RBM33: variants seen among roughly 807,000 people sequenced by gnomAD.
RBM33 encodes RNA binding motif protein 33, also known as RNA-binding protein 33.
Under a neutral mutation model 132.6 loss-of-function variants are expected in RBM33, and 28 were observed. The ratio of observed to expected loss-of-function variants is 0.21; its 90% CI spans 0.16 to 0.29. The LOEUF (loss-of-function observed/expected upper bound fraction) is 0.29, where lower values mean the gene tolerates loss of function less well. RBM33 is among the 10% of genes least tolerant of loss of function. The pLI is 1.00. For synonymous variants in RBM33, 634 were observed against 593.0 expected, an observed-to-expected ratio of 1.07 and a Z score of -1.01; for missense variants, 1,291 against 1,518.5, an observed-to-expected ratio of 0.85 and a Z score of 2.49.
Position 155,738,020 on chromosome 7 carries a change from C to T in RBM33, c.1394-40C>T, listed in dbSNP as rs562226108. The T allele has an allele frequency of 8.1e-5, 125 of 1,546,950 alleles. No homozygotes were observed. In the South Asian group the frequency reaches 1.5e-3, roughly 18 times the overall value. The stretch of plus-strand genomic sequence containing the variant: ...ACTGCTTTTCTGAGAAGCACATGGT[C>T]TTTTTAACCTGAAGTTAATGATGTT... On this transcript the variant is annotated intron_variant, in intron 10 of 17. Transcript: ENST00000401878.
intron 5 of RBM33, chr7:155,685,172 G>T (rs1799442496): frequency 8.5e-6 from 9 of 1,056,462 alleles, no homozygotes. Context: ...TGAGTGTATA[G>T]TGAAAAACTT....
At position 155,725,610 on chromosome 7, in the gene RBM33, G is replaced by A. The variant is rs115590062; in HGVS notation, c.1260+7167G>A. On this transcript the variant is annotated intron_variant, in intron 9 of 17. Coordinates refer to ENST00000401878, the MANE Select transcript of RBM33 (RefSeq NM_053043.3). ...GCTATAGCAGGGCCAGTCATTAGGA[G>A]GAGTTGTTTCAGGAGGGGCCATGGC... 4.3e-3 allele frequency among the ~76,000 whole-genome samples: 651 copies of A among 152,250 alleles called. 6 individuals carry two copies. The highest frequency in any genetic ancestry group is 0.015 in the African/African-American group (618 of 41,562).
intron 1 of RBM33, among the ~76,000 whole-genome samples, chr7:155,656,632 T>C (rs1329277085): frequency 6.6e-6 from 1 of 152,218 alleles, no homozygotes; most frequent in Non-Finnish European, 1.5e-5. Context: ...AGAGATTGAA[T>C]GCAGAAGCAG....
rs567093206 is a variant in RBM33, at chr7:155,738,358, C to A, written c.1692C>A (p.Gly564=). ...CTCCTAGACAGCCGTTCCTGCCAGG[C>A]CCAGGACAGCCGTTTCTGCCCACAC... The part of the protein sequence containing the change: ...FIPPRQPFLP[G]PGQPFLPTHT... Residue 564 remains glycine, a synonymous_variant, in exon 11 of 18, where the codon GGC becomes GGA. Transcript: ENST00000401878. 6.9e-5 allele frequency: 112 copies of A among 1,613,922 alleles called. 1 individual carries two copies. In the South Asian group the frequency reaches 1.2e-3, roughly 17 times the overall value.
intron 9 of RBM33, among the ~76,000 whole-genome samples, chr7:155,732,211 T>A (rs532834819): frequency 2.6e-5 from 4 of 152,260 alleles, no homozygotes; most frequent in Non-Finnish European, 5.9e-5. Context: ...TCATTCTGAA[T>A]AACTGATACA....
At chr7:155,659,703 A>G (rs1044582083) in intron 1 of RBM33, among the ~76,000 whole-genome samples, 2 of 152,230 alleles carry the variant, frequency 1.3e-5, no homozygotes, top group African/African-American at 2.4e-5. Flanking sequence ...AAATTCATAT[A>G]CAAATATATA....
chr7:155,710,388 T>C (rs1275796662), intron 7 of RBM33, among the ~76,000 whole-genome samples: 1 of 152,222 alleles, frequency 6.6e-6, no homozygotes, highest in Non-Finnish European at 1.5e-5. Context: ...CAGCTGACTT[T>C]CTCTACTGAC....
chr7:155,722,748 T>C (rs1237381380), intron 9 of RBM33, among the ~76,000 whole-genome samples: 1 of 152,224 alleles, frequency 6.6e-6, no homozygotes, highest in African/African-American at 2.4e-5. Context: ...GTTTTTAAGC[T>C]TGTGAAAAAG....
intron 1 of RBM33, among the ~76,000 whole-genome samples, chr7:155,657,926 A>G (rs982815045): frequency 6.6e-6 from 1 of 152,230 alleles, no homozygotes; most frequent in African/African-American, 2.4e-5. Flanking sequence ...ACATTTAAAA[A>G]TAATGTATAT....
intron 9 of RBM33, among the ~76,000 whole-genome samples, chr7:155,735,557 A>T (rs75294430): frequency 0.036 from 5,485 of 151,748 alleles, 328 homozygotes; most frequent in African/African-American, 0.12. Context: ...AACTAGCTGG[A>T]TGTGGTGTCA....
chr7:155,767,238 A>G (rs1802251841), intron 16 of RBM33, among the ~76,000 whole-genome samples: 1 of 152,142 alleles, frequency 6.6e-6, no homozygotes, highest in African/African-American at 2.4e-5. Flanking sequence ...TTCCACGGAA[A>G]CTCCTGGTCT....
Position 155,644,763 on chromosome 7 carries a change from CTGCAG to C in RBM33, c.-113_-109del. ...AAGCGCCCGGCTTCGCCTCTGCCTC[CTGCAG>C]CCCCCTCCCTTCTCTGTCCTCCGTC... On this transcript the variant is annotated 5_prime_UTR_variant, in exon 1 of 18. Coordinates refer to ENST00000401878, the MANE Select transcript of RBM33 (RefSeq NM_053043.3). 1.1e-6 allele frequency: 1 copy of C among 883,296 alleles called. No individual in the cohort carries two copies. The highest frequency in any genetic ancestry group is 1.6e-6 in the Non-Finnish European group (1 of 624,244). The allele number at this position is 883,296 out of a possible 1,614,324, so 54.7% of individuals were successfully genotyped here.
intron 1 of RBM33, among the ~76,000 whole-genome samples, chr7:155,646,229 A>G (rs1475015639): frequency 6.6e-5 from 10 of 152,190 alleles, no homozygotes; most frequent in African/African-American, 2.4e-4. Flanking sequence ...TGAAGACGTT[A>G]TGCTGATGGC....
chr7:155,682,386 A>G (rs931303195), intron 5 of RBM33, among the ~76,000 whole-genome samples: 1 of 152,206 alleles, frequency 6.6e-6, no homozygotes, highest in Non-Finnish European at 1.5e-5. Context: ...ATCCTTCGCT[A>G]ATGTAGGCAC....
chr7:155,681,007 G>A (rs910981608), intron 5 of RBM33, 99 bp downstream of exon 5: 40 of 937,762 alleles, frequency 4.3e-5, no homozygotes, highest in Non-Finnish European at 5.7e-5. Context: ...TGGGAGGGAG[G>A]GGAAATTAGA....
chr7:155,673,800 A>ACACACACC lies in RBM33; in HGVS notation c.171+886_171+887insACACACCC, dbSNP rs369078260. Among the ~76,000 whole-genome samples, 205 of 141,940 alleles carry ACACACACC rather than the reference A, an allele frequency of 1.4e-3. 10 individuals carry two copies. The highest frequency in any genetic ancestry group is 4.8e-3 in the African/African-American group (167 of 34,862). 93.1% of individuals were successfully genotyped at this position (141,940 alleles called of 152,430 possible). A position where few individuals can be genotyped will look rare whatever the true frequency, so the allele number is the denominator to read the frequency against. The stretch of plus-strand genomic sequence containing the variant: ...CACACACACACACACACACACACAC[A>ACACACACC]CCCCTACCAGTATATTTCGGACATT... On this transcript the variant is annotated intron_variant, in intron 3 of 17. Coordinates refer to ENST00000401878, the MANE Select transcript of RBM33 (RefSeq NM_053043.3).
chr7:155,729,485 C>G (rs1800890675), intron 9 of RBM33, among the ~76,000 whole-genome samples: 1 of 152,060 alleles, frequency 6.6e-6, no homozygotes, highest in South Asian at 2.1e-4. Flanking sequence ...ACCTGTAAAC[C>G]CAGTGATTTG....
At chr7:155,714,088 G>A (rs995167540) in intron 8 of RBM33, among the ~76,000 whole-genome samples, 4 of 152,280 alleles carry the variant, frequency 2.6e-5, no homozygotes, top group South Asian at 4.1e-4. Context: ...GTGGATGTGC[G>A]CAGGGATGGA....
In RBM33 at chr7:155,755,773, C is replaced by T. The variant is rs148098003; in HGVS notation, c.2980-8039C>T. ...AGGTGTTTTTATCTATGCATTTAAACGATTTGTTATAAATAAATTTGTCCT... is the reference window on the plus strand; with the variant it reads ...AGGTGTTTTTATCTATGCATTTAAATGATTTGTTATAAATAAATTTGTCCT... On this transcript the variant is annotated intron_variant, in intron 14 of 17. Transcript: ENST00000401878. Among the ~76,000 whole-genome samples the T allele has an allele frequency of 2.0e-4, 31 of 152,136 alleles. No homozygotes were observed. The East Asian group carries it at 5.4e-3, about 27-fold the overall frequency.
Sources: gnomAD v4.1 joint callset for allele counts (sites outside exome capture counted in the v4.1 genomes callset) on GRCh38, gnomAD v4.1.1 for gene constraint, MANE v1.5 for transcripts, NCBI Gene and HGNC (gene_info 2026-07-23, HGNC 2026-07-21) for gene names.